CA10: variants seen among roughly 807,000 people sequenced by gnomAD.
CA10 encodes carbonic anhydrase-related protein 10.
CA10 carries 14 observed loss-of-function variants against 44.2 expected under a neutral mutation model. The ratio of observed to expected loss-of-function variants is 0.32; its 90% CI spans 0.21 to 0.50. The LOEUF (loss-of-function observed/expected upper bound fraction) is 0.50, where lower values mean the gene tolerates loss of function less well. CA10 is among the 20% of genes least tolerant of loss of function. CA10 has a pLI of 0.99. For synonymous variants in CA10, 159 were observed against 141.6 expected, an observed-to-expected ratio of 1.12 and a Z score of -0.87; for missense variants, 350 against 409.7, an observed-to-expected ratio of 0.85 and a Z score of 1.26.
In CA10 at chr17:52,157,983, CG is replaced by C; in HGVS notation, c.-198del. 1.6e-6 allele frequency: 1 copy of C among 616,648 alleles called. No individual in the cohort carries two copies. The highest frequency in any genetic ancestry group is 2.9e-6 in the Non-Finnish European group (1 of 341,792). The allele number at this position is 616,648 out of a possible 1,614,324, so 38.2% of individuals were successfully genotyped here. On this transcript the variant is annotated 5_prime_UTR_variant, in exon 1 of 9. The change abolishes the stop of an existing upstream ORF in the 5' untranslated region. Transcript: ENST00000451037. ...TGAATTGTTCCGGCAAATCTCCCCT[CG>C]GGCTCGACGGATGTGCGCCCCAGAT...
chr17:52,045,649 A>G (rs912488105), intron 2 of CA10, among the ~76,000 whole-genome samples: 4 of 152,146 alleles, frequency 2.6e-5, no homozygotes, highest in African/African-American at 7.2e-5. Context: ...ATGCAAATCC[A>G]CAAGGATAAT....
chr17:52,039,481 G>A (rs1567712001), intron 2 of CA10, among the ~76,000 whole-genome samples: 1 of 151,952 alleles, frequency 6.6e-6, no homozygotes, highest in Admixed American at 6.6e-5. Context: ...CCAAAGCCCA[G>A]ACAGATGGCT....
chr17:51,646,966 C>T (rs1286691473), intron 6 of CA10, among the ~76,000 whole-genome samples: 1 of 152,078 alleles, frequency 6.6e-6, no homozygotes, highest in Admixed American at 6.6e-5. Flanking sequence ...CCTAAATCAG[C>T]TATCTTTCCC....
In CA10 at chr17:51,680,125, A is replaced by G. The variant is rs900063477; in HGVS notation, c.466-26389T>C. Among the ~76,000 whole-genome samples, 4 of 152,302 alleles carry G rather than the reference A, an allele frequency of 2.6e-5. No homozygotes were observed. The East Asian group carries it at 5.8e-4, about 22-fold the overall frequency. On this transcript the variant is annotated intron_variant, in intron 4 of 8. Coordinates refer to ENST00000451037, the MANE Select transcript of CA10 (RefSeq NM_020178.5). Reference sequence around the variant, plus strand: ...GAAAAAAAAATTGTCTATCCCTGGTATAAAGTAATATGGGATTTCAAGAGA... The same window carrying G: ...GAAAAAAAAATTGTCTATCCCTGGTGTAAAGTAATATGGGATTTCAAGAGA...
chr17:51,646,986 C>A (rs1198230203), intron 6 of CA10, among the ~76,000 whole-genome samples: 1 of 150,996 alleles, frequency 6.6e-6, no homozygotes, highest in Non-Finnish European at 1.5e-5. Flanking sequence ...CCATGCAGGC[C>A]AGGATCTCTT....
chr17:52,034,888 T>C (rs1986571821), intron 2 of CA10, among the ~76,000 whole-genome samples: 2 of 152,162 alleles, frequency 1.3e-5, no homozygotes, highest in East Asian at 3.9e-4. Context: ...TTCAATCTCA[T>C]TTTTCATGAC....
rs1027061321 is a variant in CA10 at position 51,727,733 on chromosome 17, C to T, written c.465+19900G>A. On this transcript the variant is annotated intron_variant, in intron 4 of 8. Transcript: ENST00000451037. ...TGCTATCACTGATTTTACTTCATGT[C>T]CATCCTATTTATTTATCAAATATTT... Among the ~76,000 whole-genome samples the T allele has an allele frequency of 4.6e-5, 7 of 152,154 alleles. No homozygotes were observed. In the East Asian group the frequency reaches 1.2e-3, roughly 25 times the overall value.
rs529268598 is a variant in CA10, at chr17:51,707,445, A to C, written c.465+40188T>G. The stretch of plus-strand genomic sequence containing the variant: ...TAAATATTTGGTTACTCACCTCCTG[A>C]AGGTGAATTAGCTCTCACAGGTTGC... On this transcript the variant is annotated intron_variant, in intron 4 of 8. Transcript: ENST00000451037. Among the ~76,000 whole-genome samples, 19 of 152,264 alleles carry C rather than the reference A, an allele frequency of 1.2e-4. No homozygotes were observed. In the South Asian group the frequency reaches 3.5e-3, roughly 28 times the overall value.
At chr17:52,043,007 T>C (rs117623679) in intron 2 of CA10, among the ~76,000 whole-genome samples, 2 of 152,170 alleles carry the variant, frequency 1.3e-5, no homozygotes, top group East Asian at 3.9e-4. Context: ...CTTTGTAATA[T>C]AGCTTGAAAT....
intron 4 of CA10, among the ~76,000 whole-genome samples, chr17:51,668,260 C>G (rs908508785): frequency 6.6e-6 from 1 of 152,136 alleles, no homozygotes; most frequent in African/African-American, 2.4e-5. Context: ...GCTACTGTAC[C>G]AGGGAGGGGC....
At chr17:51,935,925 C>T (rs114200481) in intron 2 of CA10, among the ~76,000 whole-genome samples, 336 of 152,248 alleles carry the variant, frequency 2.2e-3, no homozygotes, top group African/African-American at 7.6e-3. Flanking sequence ...CTGGCCTTGA[C>T]TTCTTTGTCC....
rs1302590892 is a variant in CA10, at chr17:51,716,238, T to G, written c.465+31395A>C. ...TACTCAGCAGTTCTCCCTCTAGATT[T>G]GATCCAGCAAATGAGATCGAGTGAT... On this transcript the variant is annotated intron_variant, in intron 4 of 8. Coordinates refer to ENST00000451037, the MANE Select transcript of CA10 (RefSeq NM_020178.5). Among the ~76,000 whole-genome samples the G allele has an allele frequency of 2.0e-5, 3 of 152,178 alleles. No individual in the cohort carries two copies. The East Asian group carries it at 5.8e-4, about 29-fold the overall frequency.
chr17:51,729,356 T>A (rs1236576561), intron 4 of CA10, among the ~76,000 whole-genome samples: 1 of 151,900 alleles, frequency 6.6e-6, no homozygotes, highest in Non-Finnish European at 1.5e-5. Flanking sequence ...TGTGTGTGTA[T>A]CACCACACAC....
At chr17:51,872,401 G>T (rs1979860247) in intron 3 of CA10, among the ~76,000 whole-genome samples, 1 of 152,174 alleles carries the variant, frequency 6.6e-6, no homozygotes, top group Non-Finnish European at 1.5e-5. Flanking sequence ...GACCAAGCAA[G>T]TTCAAGAGTA....
chr17:52,110,279 CA>C (rs1310529157), intron 1 of CA10, among the ~76,000 whole-genome samples: 1 of 152,168 alleles, frequency 6.6e-6, no homozygotes, highest in Admixed American at 6.5e-5. Flanking sequence ...GGGTAGGGAG[CA>C]GGTATGATCA....
intron 4 of CA10, among the ~76,000 whole-genome samples, chr17:51,680,773 T>C (rs1914818851): frequency 6.6e-6 from 1 of 152,154 alleles, no homozygotes; most frequent in Non-Finnish European, 1.5e-5. Context: ...AGGACTCTTC[T>C]GTGGTGTAGA....
At chr17:51,775,180 T>C (rs1905771508) in intron 3 of CA10, among the ~76,000 whole-genome samples, 1 of 152,190 alleles carries the variant, frequency 6.6e-6, no homozygotes, top group Non-Finnish European at 1.5e-5. Flanking sequence ...TGCCATGCTA[T>C]CTGCTCTGAA....
At chr17:51,961,584 A>C (rs1476736708) in intron 2 of CA10, among the ~76,000 whole-genome samples, 1 of 152,206 alleles carries the variant, frequency 6.6e-6, no homozygotes, top group Non-Finnish European at 1.5e-5. Flanking sequence ...CAAAGAGAGA[A>C]GTAGCAAATT....
At chr17:52,073,991 G>A (rs1266926839) in intron 1 of CA10, among the ~76,000 whole-genome samples, 1 of 152,142 alleles carries the variant, frequency 6.6e-6, no homozygotes, top group African/African-American at 2.4e-5. Flanking sequence ...TTCCCCAAGT[G>A]GGTAGACAAC....
Sources: gnomAD v4.1 joint callset for allele counts (sites outside exome capture counted in the v4.1 genomes callset) on GRCh38, gnomAD v4.1.1 for gene constraint, MANE v1.5 for transcripts, NCBI Gene and HGNC (gene_info 2026-07-23, HGNC 2026-07-21) for gene names.